NXF1: variants seen among roughly 807,000 people sequenced by gnomAD.
The protein encoded by NXF1 is mRNA export factor TAP.
In NXF1, 43 loss-of-function variants were observed where a neutral mutation model predicts 92.4. That is an observed-to-expected ratio of 0.47 (90% CI 0.36 to 0.60). The LOEUF (loss-of-function observed/expected upper bound fraction) is 0.60. Among genes scored for constraint, NXF1 ranks in the 20% least tolerant of loss-of-function variants. The pLI, the probability that NXF1 is intolerant of heterozygous loss-of-function variation, is 0.00. For synonymous variants in NXF1, 288 were observed against 292.2 expected (o/e 0.99, Z 0.15); for missense variants, 576 against 793.0 (o/e 0.73, Z 3.29).
intron 10 of NXF1, chr11:62,798,801 C>T: frequency 1.5e-6 from 2 of 1,361,024 alleles, no homozygotes; most frequent in Non-Finnish European, 1.9e-6. Flanking sequence ...TCTGCCTGAC[C>T]CTGAGTGTCA....
rs767125400 is a variant in NXF1 at position 62,796,084 on chromosome 11, T to C, written c.1443A>G (p.Val481=). 6.2e-6 allele frequency: 10 copies of C among 1,613,594 alleles called. No individual in the cohort carries two copies. Among genetic ancestry groups the C allele is most frequent in the Admixed American group, 3.3e-5 (2 of 59,948 alleles). Residue 481 remains valine, a synonymous_variant, in exon 16 of 21, where the codon GTA becomes GTG. Transcript: ENST00000294172. ...AGCTTACTGTCTGGGCGCTTATGTC[T>C]ACCACGAAGGAATTGACGTCGTGCT... is the stretch of plus-strand genomic sequence containing the variant. ...KTQHDVNSFV[V]DISAQTSTLL... is the part of the protein sequence containing the mutation.
At chr11:62,792,606 C>A (rs2084376618) in intron 20 of NXF1, 35 bp downstream of exon 20, 2 of 1,614,038 alleles carry the variant, frequency 1.2e-6, no homozygotes, top group Non-Finnish European at 1.7e-6. Context: ...GCCCAGAGAT[C>A]CTAGTCTTTT....
intron 3 of NXF1, among the ~76,000 whole-genome samples, chr11:62,802,897 T>C (rs931783912): frequency 6.6e-6 from 1 of 152,158 alleles, no homozygotes; most frequent in African/African-American, 2.4e-5. Flanking sequence ...CCAGAGGAAT[T>C]ACTCCCTCCC....
At chr11:62,797,066 C>CAAAAA (rs1160921166) in intron 13 of NXF1, 117 bp downstream of exon 13, 68 of 616,438 alleles carry the variant, frequency 1.1e-4, no homozygotes, top group Non-Finnish European at 1.4e-4. Context: ...AGACACTGTC[C>CAAAAA]AAAAAAAAAA....
At chr11:62,797,111 G>C (rs911625333) in intron 13 of NXF1, 72 bp downstream of exon 13, 2 of 950,732 alleles carry the variant, frequency 2.1e-6, no homozygotes, top group African/African-American at 3.4e-5. Flanking sequence ...CAAAAAGATT[G>C]ATGTGTGCCT....
Position 62,792,384 on chromosome 11 carries a change from CG to C in NXF1, c.*91del. 6.6e-7 allele frequency: 1 copy of C among 1,521,838 alleles called. No individual in the cohort carries two copies. Among genetic ancestry groups the C allele is most frequent in the Non-Finnish European group, 9.1e-7 (1 of 1,097,262 alleles). The allele number at this position is 1,521,838 out of a possible 1,614,324, so 94.3% of individuals were successfully genotyped here. A position where few individuals can be genotyped will look rare whatever the true frequency, so the allele number is the denominator to read the frequency against. On this transcript the variant is annotated 3_prime_UTR_variant, in exon 21 of 21. Transcript: ENST00000294172. Reference sequence around the variant, plus strand: ...CTCGGTCACAGTCACGGGGCGGCCTCGGGCCAGACAGGAGGAGATGACAGAC... The same window carrying C: ...CTCGGTCACAGTCACGGGGCGGCCTCGGCCAGACAGGAGGAGATGACAGAC...
In NXF1 at chr11:62,805,326, T is replaced by TA; in HGVS notation, c.28+2dup. The TA allele has an allele frequency of 1.9e-6, 3 of 1,609,886 alleles. No individual in the cohort carries two copies. Among genetic ancestry groups the TA allele is most frequent in the African/African-American group, 1.3e-5 (1 of 74,666 alleles). ...AGTTCCCGACCCGAAGACCAGCACT[T>TA]ACCGCTGTACGACTTCCCCTCGTCC... On this transcript the variant is annotated splice_region_variant and intron_variant, in intron 1 of 20. Transcript: ENST00000294172.
rs776551711 is a variant in NXF1 at position 62,794,359 on chromosome 11, G to C, written c.1659C>G (p.Pro553=). 20 of 1,614,048 alleles carry C rather than the reference G, an allele frequency of 1.2e-5. No homozygotes were observed. The African/African-American group carries it at 2.3e-4, about 18-fold the overall frequency. Residue 553 remains proline (P), a synonymous_variant, in exon 19 of 21, where the codon CCC becomes CCG. Transcript: ENST00000294172. ...EIQRAFAMPA[P]TPSSSPVPTL... is the part of the protein sequence containing the mutation. ...TGGGCACCGGGCTGGAGGAAGGCGTGGGTGCAGGCATAGCGAAGGCTCTTT... is the reference window on the plus strand; with the variant it reads ...TGGGCACCGGGCTGGAGGAAGGCGTCGGTGCAGGCATAGCGAAGGCTCTTT...
intron 14 of NXF1, 52 bp downstream of exon 14, chr11:62,796,408 A>G: frequency 6.2e-7 from 1 of 1,613,028 alleles, no homozygotes; most frequent in Admixed American, 1.7e-5. Context: ...TGTGCCCTGT[A>G]TCTGCTGGGA....
chr11:62,792,829 T>TACAAA, intron 19 of NXF1, 128 bp from the exon 20 acceptor site: 1 of 734,504 alleles, frequency 1.4e-6, no homozygotes, highest in East Asian at 2.6e-5. Context: ...GCACTATTTA[T>TACAAA]ACAAATGAGA....
At chr11:62,804,150 G>A (rs747928914) in intron 1 of NXF1, 172 bp from the exon 2 acceptor site, 5 of 1,539,246 alleles carry the variant, frequency 3.2e-6, no homozygotes, top group South Asian at 1.2e-5. Context: ...TCTGTGGGAG[G>A]GCAGCATCAG....
At position 62,801,216 on chromosome 11, in the gene NXF1, G is replaced by C. The variant is rs765003549; in HGVS notation, c.799-15C>G. 2.5e-6 allele frequency: 4 copies of C among 1,611,552 alleles called. No homozygotes were observed. The highest frequency in any genetic ancestry group is 3.4e-6 in the Non-Finnish European group (4 of 1,177,632). On this transcript the variant is annotated splice_polypyrimidine_tract_variant and intron_variant, in intron 8 of 20. Coordinates refer to ENST00000294172, the MANE Select transcript of NXF1 (RefSeq NM_006362.5). ...AAGGACAATAGCTGTGAGGAGAGAA[G>C]AGTTTAGAGGAGGCACCACCAGCAA...
intron 2 of NXF1, 72 bp from the exon 3 acceptor site, chr11:62,803,644 A>C: frequency 6.3e-7 from 1 of 1,581,592 alleles, no homozygotes; most frequent in East Asian, 2.2e-5. Context: ...CTGCACTGTT[A>C]GTGGGACTAC....
rs1346572185 is a variant in NXF1, at chr11:62,792,187, A to ATATT, written c.*285_*288dup. 1.6e-6 allele frequency: 1 copy of ATATT among 643,078 alleles called. No individual in the cohort carries two copies. The highest frequency in any genetic ancestry group is 2.7e-5 in the East Asian group (1 of 36,496). 39.8% of individuals were successfully genotyped at this position (643,078 alleles called of 1,614,324 possible). On this transcript the variant is annotated 3_prime_UTR_variant, in exon 21 of 21. Transcript: ENST00000294172. ...AACACGAAATACAACATCACTCTTT[A>ATATT]TATTAAAAAGTAAGGAGGTCCTGGG...
At chr11:62,796,007 T>C (rs1447744621) in intron 16 of NXF1, 59 bp downstream of exon 16, 2 of 1,398,600 alleles carry the variant, frequency 1.4e-6, no homozygotes, top group African/African-American at 2.9e-5. Flanking sequence ...CCCCCTTGCC[T>C]ATTAAATGCC....
intron 8 of NXF1, 22 bp from the exon 9 acceptor site, chr11:62,801,223 G>A: frequency 6.2e-7 from 1 of 1,611,024 alleles, no homozygotes; most frequent in Non-Finnish European, 8.5e-7. Flanking sequence ...GAAGAGTTTA[G>A]AGGAGGCACC....
intron 3 of NXF1, among the ~76,000 whole-genome samples, chr11:62,802,956 C>T (rs1342132704): frequency 2.0e-5 from 3 of 152,126 alleles, no homozygotes; most frequent in African/African-American, 7.2e-5. Flanking sequence ...TGAACCTGCT[C>T]TAAGGTGTTG....
intron 1 of NXF1, chr11:62,804,327 C>A: frequency 3.2e-6 from 2 of 625,810 alleles, no homozygotes; most frequent in South Asian, 3.9e-5. Flanking sequence ...CTATACAGTG[C>A]AGACGCCAGT....
At chr11:62,799,290 G>C in intron 10 of NXF1, 2 of 985,672 alleles carry the variant, frequency 2.0e-6, no homozygotes, top group Non-Finnish European at 2.4e-6. Context: ...TGTGGTCCAA[G>C]GTAGAAATGA....
Sources: gnomAD v4.1 joint callset for allele counts (sites outside exome capture counted in the v4.1 genomes callset) on GRCh38, gnomAD v4.1.1 for gene constraint, MANE v1.5 for transcripts, NCBI Gene and HGNC (gene_info 2026-07-23, HGNC 2026-07-21) for gene names.